The following NSMCE2 variants were observed in gnomAD, a reference collection of about 807,000 sequenced individuals.
NSMCE2 encodes NSE2 SUMO ligase component of SMC5/6 complex.
NSMCE2 carries 24 observed loss-of-function variants against 23.8 expected under a neutral mutation model. The ratio of observed to expected loss-of-function variants is 1.01; its 90% confidence interval spans 0.73 to 1.42. The LOEUF (loss-of-function observed/expected upper bound fraction) is 1.42. Ranked by LOEUF, NSMCE2 falls within the 40% of genes most tolerant of loss-of-function variation. The pLI, the probability that NSMCE2 is intolerant of heterozygous loss-of-function variation, is 0.00. For missense variants in NSMCE2, 284 were observed against 296.5 expected (o/e 0.96, Z 0.31); for synonymous variants, 92 against 94.1 (o/e 0.98, Z 0.13).
At position 125,356,325 on chromosome 8, in the gene NSMCE2, G is replaced by GT. The variant is rs1563803250; in HGVS notation, c.419-894_419-893insT. On this transcript the variant is annotated intron_variant, in intron 5 of 7. Coordinates refer to ENST00000287437, the MANE Select transcript of NSMCE2 (RefSeq NM_173685.4). ...TTATTACTGTTACTTTTAATTTTTT[G>GT]GTTTTTTTTTTTTTTTTTTTTTGAG... 4.0e-3 allele frequency among the ~76,000 whole-genome samples: 504 copies of GT among 125,136 alleles called. 5 individuals carry two copies. The highest frequency in any genetic ancestry group is 0.013 in the African/African-American group (459 of 36,162). The allele number at this position is 125,136 out of a possible 152,430, so 82.1% of individuals were successfully genotyped here. A position where few individuals can be genotyped will look rare whatever the true frequency, so the allele number is the denominator to read the frequency against.
At position 125,252,250 on chromosome 8, in the gene NSMCE2, C is replaced by T. The variant is rs114490947; in HGVS notation, c.418+69994C>T. 7.0e-3 allele frequency among the ~76,000 whole-genome samples: 1,072 copies of T among 152,276 alleles called. 10 individuals are homozygous for T. The highest frequency in any genetic ancestry group is 0.025 in the African/African-American group (1,034 of 41,560). On this transcript the variant is annotated intron_variant, in intron 5 of 7. Transcript: ENST00000287437. ...TGTAAAATAACACACCCCTACCGGC[C>T]GGGCACAGTGGCTCACGCCTATAAT...
chr8:125,204,313 C>G (rs1824013755), intron 5 of NSMCE2, among the ~76,000 whole-genome samples: 1 of 152,136 alleles, frequency 6.6e-6, no homozygotes, highest in Non-Finnish European at 1.5e-5. Context: ...GGAGGTGTTC[C>G]CAGACTTCCT....
At chr8:125,129,554 G>GTGTT (rs1159203351) in intron 3 of NSMCE2, among the ~76,000 whole-genome samples, 2 of 151,340 alleles carry the variant, frequency 1.3e-5, no homozygotes, top group African/African-American at 4.9e-5. Context: ...CTGTGTGTGT[G>GTGTT]TGTGTGTGTG....
chr8:125,250,289 T>C (rs1290060317), intron 5 of NSMCE2, among the ~76,000 whole-genome samples: 1 of 152,104 alleles, frequency 6.6e-6, no homozygotes, highest in South Asian at 2.1e-4. Context: ...ATATGTATTA[T>C]TTTTGGTATG....
At chr8:125,156,641 C>T (rs980172869) in intron 4 of NSMCE2, among the ~76,000 whole-genome samples, 3 of 152,098 alleles carry the variant, frequency 2.0e-5, no homozygotes, top group Non-Finnish European at 4.4e-5. Context: ...CTAACCTGAA[C>T]ATTTTATATG....
At chr8:125,234,267 C>G (rs974270123) in intron 5 of NSMCE2, among the ~76,000 whole-genome samples, 3 of 152,134 alleles carry the variant, frequency 2.0e-5, no homozygotes, top group African/African-American at 7.2e-5. Flanking sequence ...TGTCAACATT[C>G]ATCTAGACTA....
intron 5 of NSMCE2, among the ~76,000 whole-genome samples, chr8:125,303,051 C>T (rs1427548841): frequency 1.3e-5 from 2 of 152,146 alleles, no homozygotes; most frequent in African/African-American, 4.8e-5. Context: ...CTCACTCTTG[C>T]CATATTTAAA....
intron 5 of NSMCE2, among the ~76,000 whole-genome samples, chr8:125,220,412 G>A (rs1824795746): frequency 6.6e-6 from 1 of 152,036 alleles, no homozygotes; most frequent in South Asian, 2.1e-4. Flanking sequence ...TTAATGGTTT[G>A]TATAGAAAGA....
At chr8:125,288,502 A>T (rs922696877) in intron 5 of NSMCE2, among the ~76,000 whole-genome samples, 1 of 152,006 alleles carries the variant, frequency 6.6e-6, no homozygotes, top group Non-Finnish European at 1.5e-5. Flanking sequence ...ATCTCCTCAA[A>T]TTCCTTTTAC....
intron 5 of NSMCE2, among the ~76,000 whole-genome samples, chr8:125,296,582 A>T (rs1828335632): frequency 6.6e-6 from 1 of 152,020 alleles, no homozygotes; most frequent in Non-Finnish European, 1.5e-5. Context: ...TTTTTAATAG[A>T]GATGGGGTTT....
chr8:125,323,756 C>T (rs898330340), intron 5 of NSMCE2, among the ~76,000 whole-genome samples: 2 of 152,112 alleles, frequency 1.3e-5, no homozygotes, highest in African/African-American at 4.8e-5. Context: ...GAAACTGTGA[C>T]CTTGGTTTAG....
intron 3 of NSMCE2, among the ~76,000 whole-genome samples, chr8:125,150,778 C>T (rs1820968522): frequency 6.6e-6 from 1 of 152,102 alleles, no homozygotes; most frequent in Non-Finnish European, 1.5e-5. Flanking sequence ...TTTAACAATC[C>T]TTCACAGTTT....
chr8:125,366,130 C>T (rs1218086100), intron 7 of NSMCE2, among the ~76,000 whole-genome samples: 2 of 152,178 alleles, frequency 1.3e-5, no homozygotes, highest in Non-Finnish European at 2.9e-5. Context: ...GAAGCTGTGG[C>T]CCCAGCACTC....
At chr8:125,130,211 A>G (rs1327355034) in intron 3 of NSMCE2, 1 of 455,666 alleles carries the variant, frequency 2.2e-6, no homozygotes, top group Non-Finnish European at 4.4e-6. Flanking sequence ...TTTGCGTTAC[A>G]GGTTTTTGGG....
intron 5 of NSMCE2, among the ~76,000 whole-genome samples, chr8:125,223,443 G>A (rs1162042862): frequency 2.6e-5 from 4 of 152,180 alleles, no homozygotes; most frequent in East Asian, 1.9e-4. Context: ...TGCAGTGAAC[G>A]TGGGAGTGCA....
intron 4 of NSMCE2, among the ~76,000 whole-genome samples, chr8:125,171,736 A>G (rs1191267310): frequency 2.0e-5 from 3 of 152,152 alleles, no homozygotes; most frequent in African/African-American, 7.2e-5. Flanking sequence ...CAACAATGTG[A>G]CCATAAGAAT....
At chr8:125,146,117 G>A (rs892269079) in intron 3 of NSMCE2, among the ~76,000 whole-genome samples, 2 of 152,194 alleles carry the variant, frequency 1.3e-5, no homozygotes, top group African/African-American at 4.8e-5. Context: ...GTCCTCCTTG[G>A]AAGTGTTGTT....
At chr8:125,334,288 G>C (rs756196827) in intron 5 of NSMCE2, among the ~76,000 whole-genome samples, 2 of 152,144 alleles carry the variant, frequency 1.3e-5, no homozygotes, top group Non-Finnish European at 2.9e-5. Context: ...AAATGCATGC[G>C]TTAAGTACTA....
At chr8:125,278,821 C>T (rs575681991) in intron 5 of NSMCE2, among the ~76,000 whole-genome samples, 1 of 152,062 alleles carries the variant, frequency 6.6e-6, no homozygotes, top group African/African-American at 2.4e-5. Context: ...ACTAACTATG[C>T]ATAATATTGA....
Sources: allele counts gnomAD v4.1 joint callset (sites outside exome capture counted in the v4.1 genomes callset), GRCh38; gene constraint gnomAD v4.1.1; transcripts MANE v1.5; gene names NCBI Gene and HGNC (gene_info 2026-07-23, HGNC 2026-07-21).